The following IKBKB variants were observed in gnomAD, a reference collection of about 807,000 sequenced individuals.
IKBKB encodes the protein inhibitor of nuclear factor kappa B kinase subunit beta, also known as inhibitor of nuclear factor kappa-B kinase subunit beta.
In IKBKB, 42 loss-of-function variants were observed where a neutral mutation model predicts 113.6. The ratio of observed to expected loss-of-function variants is 0.37; its 90% CI spans 0.29 to 0.48. IKBKB has a LOEUF of 0.48. Ranked by LOEUF, IKBKB falls within the 20% of genes least tolerant of loss-of-function variation. IKBKB has a pLI of 0.99. For missense variants in IKBKB, 673 were observed against 939.7 expected, an observed-to-expected ratio of 0.72 and a Z score of 3.71; for synonymous variants, 296 against 361.3, an observed-to-expected ratio of 0.82 and a Z score of 2.05.
chr8:42,281,874 C>G (rs1315317895), intron 2 of IKBKB, among the ~76,000 whole-genome samples: 1 of 152,154 alleles, frequency 6.6e-6, no homozygotes, highest in Non-Finnish European at 1.5e-5. Flanking sequence ...AAACATGGCT[C>G]TTGGCCTCTG....
intron 18 of IKBKB, 42 bp from the exon 19 acceptor site, chr8:42,322,305 C>T (rs1439683431): frequency 1.2e-6 from 2 of 1,612,788 alleles, no homozygotes; most frequent in Non-Finnish European, 1.7e-6. Context: ...TCTGCTTTCT[C>T]CAGCCCAAAT....
chr8:42,329,056 TA>T, intron 20 of IKBKB, 67 bp from the exon 21 acceptor site: 1 of 1,232,662 alleles, frequency 8.1e-7, no homozygotes, highest in Non-Finnish European at 1.2e-6. Flanking sequence ...TAGCATATTT[TA>T]AAATAGCAGT....
At position 42,326,112 on chromosome 8, in the gene IKBKB, GC is replaced by G; in HGVS notation, c.2114+16del. On this transcript the variant is annotated intron_variant, in intron 20 of 21. Coordinates refer to ENST00000520810, the MANE Select transcript of IKBKB (RefSeq NM_001556.3). ...GCCAAGAAGAGGTAGGTCCTCCTTA[GC>G]AGTGCCAAGTGTGACCATCAAGGGC... 6.2e-7 allele frequency: 1 copy of G among 1,614,096 alleles called. No homozygotes were observed. Among genetic ancestry groups the G allele is most frequent in the South Asian group, 1.1e-5 (1 of 91,080 alleles).
intron 15 of IKBKB, 88 bp downstream of exon 15, chr8:42,319,734 G>T (rs549187712): frequency 1.8e-6 from 2 of 1,113,644 alleles, no homozygotes; most frequent in African/African-American, 1.6e-5. Context: ...ACACTGGGTC[G>T]ATCTCTGTCA....
chr8:42,302,298 A>G (rs1446192469), intron 5 of IKBKB, among the ~76,000 whole-genome samples: 4 of 152,360 alleles, frequency 2.6e-5, no homozygotes, highest in Middle Eastern at 3.4e-3. Flanking sequence ...TGAGAACAAG[A>G]TGAAATATAA....
At chr8:42,317,284 A>T in intron 11 of IKBKB, 1 of 428,176 alleles carries the variant, frequency 2.3e-6, no homozygotes, top group Non-Finnish European at 4.3e-6. Flanking sequence ...TGTGTACAGA[A>T]CTGGGTTAGG....
In IKBKB at chr8:42,321,677, A is replaced by G. The variant is rs534592286; in HGVS notation, c.1689-219A>G. ...ACCGGGACTACAGGCGCATGCCACCATGCTCAGCTAATTTAAAAAAAAAAT... is the reference window on the plus strand; with the variant it reads ...ACCGGGACTACAGGCGCATGCCACCGTGCTCAGCTAATTTAAAAAAAAAAT... On this transcript the variant is annotated intron_variant, in intron 16 of 21. Transcript: ENST00000520810. 9.4e-5 allele frequency: 48 copies of G among 509,934 alleles called. 1 individual carries two copies. The East Asian group carries it at 1.3e-3, about 14-fold the overall frequency. 31.6% of individuals were successfully genotyped at this position (509,934 alleles called of 1,614,324 possible). A position where few individuals can be genotyped will look rare whatever the true frequency, so the allele number is the denominator to read the frequency against.
At chr8:42,327,632 C>CTTT (rs746891907) in intron 20 of IKBKB, among the ~76,000 whole-genome samples, 10 of 122,848 alleles carry the variant, frequency 8.1e-5, no homozygotes, top group Non-Finnish European at 1.5e-4. Context: ...TGCACCCAGC[C>CTTT]TTTTTTTTTT....
At chr8:42,306,537 C>A in intron 7 of IKBKB, 105 bp downstream of exon 7, 1 of 768,998 alleles carries the variant, frequency 1.3e-6, no homozygotes, top group Non-Finnish European at 2.3e-6. Flanking sequence ...CACCGGCTCT[C>A]TGAATGTTTT....
rs1367279712 is a variant in IKBKB, at chr8:42,329,459, A to C, written c.2205+245A>C. 3 of 888,178 alleles carry C rather than the reference A, an allele frequency of 3.4e-6. No homozygotes were observed. In the African/African-American group the frequency reaches 5.4e-5, roughly 16 times the overall value. 55.0% of individuals were successfully genotyped at this position (888,178 alleles called of 1,614,324 possible). On this transcript the variant is annotated intron_variant, in intron 21 of 21. Coordinates refer to ENST00000520810, the MANE Select transcript of IKBKB (RefSeq NM_001556.3). The stretch of plus-strand genomic sequence containing the variant: ...TGCCTCAGCCTCCTGAGTAGCTGGG[A>C]CTACAGGCGTGCGTCACCACATTCA...
At chr8:42,305,044 CCCCTGCCCTCCA>C in intron 5 of IKBKB, 131 bp from the exon 6 acceptor site, 1 of 631,912 alleles carries the variant, frequency 1.6e-6, no homozygotes, top group African/African-American at 1.8e-5. Flanking sequence ...CGTAGCAGGG[CCCCTGCCCTCCA>C]CCCTGAGGTA....
chr8:42,276,860 AT>A (rs764463407), intron 2 of IKBKB, among the ~76,000 whole-genome samples: 1,168 of 101,596 alleles, frequency 0.011, 6 homozygotes, highest in African/African-American at 0.026. Flanking sequence ...CACCCGGCTA[AT>A]TTTTTTTTTT....
intron 8 of IKBKB, among the ~76,000 whole-genome samples, chr8:42,310,439 CAT>C (rs1293605509): frequency 6.6e-6 from 1 of 152,138 alleles, no homozygotes; most frequent in Non-Finnish European, 1.5e-5. Context: ...AGTAAATTGG[CAT>C]ATATTTGTTT....
At chr8:42,277,364 G>A (rs1473151811) in intron 2 of IKBKB, among the ~76,000 whole-genome samples, 1 of 151,570 alleles carries the variant, frequency 6.6e-6, no homozygotes, top group Non-Finnish European at 1.5e-5. Flanking sequence ...TATATTTTTA[G>A]TAGACACGGG....
chr8:42,271,405 GCCGCCCCAGCCCCGCCTTCC>G lies in IKBKB; in HGVS notation c.-75_-56del, dbSNP rs762971171. On this transcript the variant is annotated 5_prime_UTR_variant, in exon 1 of 22. An upstream open reading frame in the 5' UTR loses its in-frame stop. Coordinates refer to ENST00000520810, the MANE Select transcript of IKBKB (RefSeq NM_001556.3). The stretch of plus-strand genomic sequence containing the variant: ...GGGGGGTGTCATAGCCCCGGGTTTG[GCCGCCCCAGCCCCGCCTTCC>G]CCGCCCCGGGGAGCCCGCCCCCTGC... 6.6e-7 allele frequency: 1 copy of G among 1,514,294 alleles called. No homozygotes were observed. The highest frequency in any genetic ancestry group is 2.0e-5 in the Admixed American group (1 of 50,658). The allele number at this position is 1,514,294 out of a possible 1,614,324, so 93.8% of individuals were successfully genotyped here. A position where few individuals can be genotyped will look rare whatever the true frequency, so the allele number is the denominator to read the frequency against.
chr8:42,274,454 T>G (rs1808494054), intron 2 of IKBKB, among the ~76,000 whole-genome samples: 1 of 151,308 alleles, frequency 6.6e-6, no homozygotes, highest in Non-Finnish European at 1.5e-5. Flanking sequence ...CCTCCACAAC[T>G]CCCCCCACCC....
chr8:42,297,894 CA>C (rs909717728), intron 5 of IKBKB, among the ~76,000 whole-genome samples: 7 of 145,574 alleles, frequency 4.8e-5, no homozygotes, highest in Admixed American at 6.9e-5. Flanking sequence ...GACTCTGTCT[CA>C]AAAAAAAAAG....
At chr8:42,323,463 G>T (rs1042005436) in intron 19 of IKBKB, among the ~76,000 whole-genome samples, 2 of 152,246 alleles carry the variant, frequency 1.3e-5, no homozygotes, top group Non-Finnish European at 2.9e-5. Context: ...TGGCCGTGTT[G>T]TGGGAGCCAG....
chr8:42,293,646 G>C, intron 5 of IKBKB, 134 bp downstream of exon 5: 1 of 1,477,804 alleles, frequency 6.8e-7, no homozygotes, highest in East Asian at 2.4e-5. Context: ...GCCCAGGGAC[G>C]GGGGACCCTG....
Sources: gnomAD v4.1 joint callset for allele counts (sites outside exome capture counted in the v4.1 genomes callset) on GRCh38, gnomAD v4.1.1 for gene constraint, MANE v1.5 for transcripts, NCBI Gene and HGNC (gene_info 2026-07-23, HGNC 2026-07-21) for gene names.